The following RPSA2 variants were observed in gnomAD, a reference collection of about 807,000 sequenced individuals.
The protein encoded by RPSA2 is ribosomal protein SA 2.
chr19:23,833,125 G>T, the RPSA2 span: 24 of 1,219,448 alleles, frequency 2.0e-5, no homozygotes, highest in Non-Finnish European at 2.3e-5. Flanking sequence ...AATTCTTACT[G>T]GTTTAAAACC....
At chr19:23,833,052 C>A in the RPSA2 span, 25 of 1,348,820 alleles carry the variant, frequency 1.9e-5, no homozygotes, top group Non-Finnish European at 2.3e-5. Flanking sequence ...GAAAGAAACC[C>A]TACAAGTGTG....
chr19:23,833,832 C>T, the RPSA2 span, among the ~76,000 whole-genome samples: 7 of 152,004 alleles, frequency 4.6e-5, no homozygotes, highest in African/African-American at 9.7e-5. Context: ...AATACCTTTA[C>T]TTGTATCAGA....
chr19:23,786,259 T>C, the RPSA2 span, among the ~76,000 whole-genome samples: 2 of 152,330 alleles, frequency 1.3e-5, no homozygotes, highest in East Asian at 1.9e-4. Context: ...AATGTGGTGA[T>C]TCTCTTACCT....
At chr19:23,811,856 C>A in the RPSA2 span, among the ~76,000 whole-genome samples, 1 of 148,076 alleles carries the variant, frequency 6.8e-6, no homozygotes, top group African/African-American at 2.4e-5. Context: ...TTATTTTGTT[C>A]AAAAATAGCA....
chr19:23,776,828 T>C, the RPSA2 span, among the ~76,000 whole-genome samples: 1 of 152,232 alleles, frequency 6.6e-6, no homozygotes. Flanking sequence ...GTCTTCAGCC[T>C]GGACCCTGCC....
At chr19:23,783,448 T>A in the RPSA2 span, among the ~76,000 whole-genome samples, 845 of 151,296 alleles carry the variant, frequency 5.6e-3, 4 homozygotes, top group African/African-American at 0.019. Context: ...GATGCAACTT[T>A]CCTGCATGGG....
chr19:23,759,084 C>A, the RPSA2 span, among the ~76,000 whole-genome samples: 148,979 of 152,274 alleles, frequency 0.98, 72,970 homozygotes, highest in Middle Eastern at 1. Context: ...TCAGACAGGG[C>A]TCCCTCCCTG....
the RPSA2 span, among the ~76,000 whole-genome samples, chr19:23,800,454 T>C: frequency 4.6e-5 from 7 of 152,196 alleles, no homozygotes; most frequent in African/African-American, 1.7e-4. Flanking sequence ...CAAGCTTTAC[T>C]CTAGAGGGGA....
At chr19:23,789,898 G>A in the RPSA2 span, among the ~76,000 whole-genome samples, 1 of 152,002 alleles carries the variant, frequency 6.6e-6, no homozygotes, top group African/African-American at 2.4e-5. Context: ...GGCTGGTCTA[G>A]AACTCCTGAC....
the RPSA2 span, among the ~76,000 whole-genome samples, chr19:23,780,439 C>T: frequency 3.9e-5 from 6 of 152,120 alleles, no homozygotes; most frequent in East Asian, 1.9e-4. Flanking sequence ...GTCAGGAGAT[C>T]GAGACCATCC....
At chr19:23,847,619 G>T in the RPSA2 span, among the ~76,000 whole-genome samples, 1 of 152,166 alleles carries the variant, frequency 6.6e-6, no homozygotes, top group Non-Finnish European at 1.5e-5. Context: ...AGTGGTGCAC[G>T]TATTGTCTTG....
the RPSA2 span, among the ~76,000 whole-genome samples, chr19:23,770,887 C>T: frequency 2.0e-5 from 3 of 152,156 alleles, no homozygotes; most frequent in Non-Finnish European, 4.4e-5. Flanking sequence ...TGATGTGAGT[C>T]TACTGGTCAA....
the RPSA2 span, among the ~76,000 whole-genome samples, chr19:23,858,675 C>T: frequency 6.6e-6 from 1 of 152,262 alleles, no homozygotes; most frequent in Non-Finnish European, 1.5e-5. Context: ...ATGCCAGCAG[C>T]TGTGCCAATA....
At chr19:23,800,868 C>A in the RPSA2 span, among the ~76,000 whole-genome samples, 1 of 152,066 alleles carries the variant, frequency 6.6e-6, no homozygotes, top group Non-Finnish European at 1.5e-5. Flanking sequence ...CCACCTTAGC[C>A]CCCAAAGTGC....
At chr19:23,792,501 A>G in the RPSA2 span, among the ~76,000 whole-genome samples, 1 of 152,182 alleles carries the variant, frequency 6.6e-6, no homozygotes, top group Non-Finnish European at 1.5e-5. Flanking sequence ...TAGACTTTTA[A>G]AAATAAAACA....
chr19:23,840,659 A>G, the RPSA2 span, among the ~76,000 whole-genome samples: 1 of 152,192 alleles, frequency 6.6e-6, no homozygotes, highest in Non-Finnish European at 1.5e-5. Flanking sequence ...ATACACTATT[A>G]GAAATTACAA....
chr19:23,805,142 C>T, the RPSA2 span, among the ~76,000 whole-genome samples: 141,846 of 149,446 alleles, frequency 0.95, 67,449 homozygotes, highest in Middle Eastern at 0.99. Context: ...CACACACACA[C>T]ACACACACAC....
At chr19:23,775,431 G>A in the RPSA2 span, among the ~76,000 whole-genome samples, 1 of 152,114 alleles carries the variant, frequency 6.6e-6, no homozygotes, top group African/African-American at 2.4e-5. Flanking sequence ...CCACAGGTAC[G>A]ATCACGGGTC....
chr19:23,829,835 ATAAT>A, the RPSA2 span, among the ~76,000 whole-genome samples: 2 of 152,214 alleles, frequency 1.3e-5, no homozygotes, highest in Non-Finnish European at 2.9e-5. Context: ...ATTTCAGAGA[ATAAT>A]TAAAAATGTT....
Sources: gnomAD v4.1 joint callset for allele counts (sites outside exome capture counted in the v4.1 genomes callset) on GRCh38, gnomAD v4.1.1 for gene constraint, MANE v1.5 for transcripts, NCBI Gene and HGNC (gene_info 2026-07-23, HGNC 2026-07-21) for gene names.